CNOT4: variants seen among roughly 807,000 people sequenced by gnomAD.
CNOT4 encodes the protein CCR4-associated factor 4.
A neutral mutation model predicts 73.8 loss-of-function variants in CNOT4; 8 were observed. The observed-to-expected ratio is 0.11, with a 90% confidence interval of 0.06 to 0.20. The LOEUF is 0.20. Ranked by LOEUF, CNOT4 falls within the 10% of genes least tolerant of loss-of-function variation. The pLI is 1.00. For synonymous variants in CNOT4, 293 were observed against 321.1 expected (o/e 0.91, Z 0.94); for missense variants, 564 against 883.4 (o/e 0.64, Z 4.58).
chr7:135,430,653 A>G (rs947617787), intron 2 of CNOT4, among the ~76,000 whole-genome samples: 1 of 152,196 alleles, frequency 6.6e-6, no homozygotes, highest in Non-Finnish European at 1.5e-5. Flanking sequence ...GCTTTAAAAA[A>G]AACCAAAAAA....
rs76652614 is a variant in CNOT4 at position 135,491,723 on chromosome 7, G to C, written c.-93+18166C>G. On this transcript the variant is annotated intron_variant, in intron 1 of 11. Coordinates refer to ENST00000541284, the MANE Select transcript of CNOT4 (RefSeq NM_001190850.2). Reference sequence around the variant, plus strand: ...AGCAATTGAGGGAAGATATTTTTATGATGAAAAAAGTAACAGTATGCTTGT... The same window carrying C: ...AGCAATTGAGGGAAGATATTTTTATCATGAAAAAAGTAACAGTATGCTTGT... Among the ~76,000 whole-genome samples, 345 of 152,236 alleles carry C rather than the reference G, an allele frequency of 2.3e-3. 13 individuals carry two copies. The East Asian group carries it at 0.055, about 24-fold the overall frequency.
chr7:135,388,316 A>G (rs1178886771), intron 10 of CNOT4: 17 of 984,986 alleles, frequency 1.7e-5, no homozygotes, highest in Non-Finnish European at 1.8e-5. Context: ...GCATTAAATG[A>G]CACCACCAAT....
chr7:135,381,102 T>A (rs150503783), intron 10 of CNOT4, among the ~76,000 whole-genome samples: 1 of 151,970 alleles, frequency 6.6e-6, no homozygotes, highest in Non-Finnish European at 1.5e-5. Flanking sequence ...CAAAAAAAAA[T>A]TGGAGAAAGA....
At chr7:135,445,375 C>G (rs1224266653) in intron 1 of CNOT4, among the ~76,000 whole-genome samples, 1 of 152,122 alleles carries the variant, frequency 6.6e-6, no homozygotes, top group East Asian at 1.9e-4. Flanking sequence ...GATTAATTTT[C>G]GAAAACTTCC....
chr7:135,448,559 G>GGGAGGGAAGGAAGGAA (rs1554437787), intron 1 of CNOT4, among the ~76,000 whole-genome samples: 7 of 148,330 alleles, frequency 4.7e-5, no homozygotes, highest in African/African-American at 1.8e-4. Context: ...GAGGGAGGGA[G>GGGAGGGAAGGAAGGAA]GGAAGGAAGG....
At chr7:135,391,534 G>GA (rs201389394) in intron 10 of CNOT4, among the ~76,000 whole-genome samples, 255 of 148,744 alleles carry the variant, frequency 1.7e-3, no homozygotes, top group African/African-American at 4.6e-3. Context: ...TAGCATCTCT[G>GA]AAAAAAAAAG....
At chr7:135,401,173 A>C (rs951494156) in intron 7 of CNOT4, among the ~76,000 whole-genome samples, 57 of 152,224 alleles carry the variant, frequency 3.7e-4, no homozygotes, top group Admixed American at 3.0e-3. Flanking sequence ...TCACAACTCC[A>C]CTGGCATCAG....
At position 135,508,201 on chromosome 7, in the gene CNOT4, TG is replaced by T. The variant is rs553886372; in HGVS notation, c.-93+1687del. On this transcript the variant is annotated intron_variant, in intron 1 of 11. Coordinates refer to ENST00000541284, the MANE Select transcript of CNOT4 (RefSeq NM_001190850.2). ...ATGTAAGTCATGTTTAAACTTGGGA[TG>T]TATGTATTTGAACTATGTAATCTTG... Among the ~76,000 whole-genome samples the T allele has an allele frequency of 2.4e-3, 372 of 152,354 alleles. 1 individual carries two copies. The highest frequency in any genetic ancestry group is 8.7e-3 in the African/African-American group (360 of 41,590).
intron 10 of CNOT4, among the ~76,000 whole-genome samples, chr7:135,367,418 T>A (rs2129482444): frequency 6.6e-6 from 1 of 152,180 alleles, no homozygotes; most frequent in South Asian, 2.1e-4. Flanking sequence ...GTATAAGGCA[T>A]CTCCACAACT....
chr7:135,436,037 T>C (rs1192635958), intron 2 of CNOT4, among the ~76,000 whole-genome samples: 2 of 152,072 alleles, frequency 1.3e-5, no homozygotes, highest in African/African-American at 4.8e-5. Context: ...TTTAAGCAGT[T>C]TTCTCTTGAG....
intron 1 of CNOT4, among the ~76,000 whole-genome samples, chr7:135,483,281 T>G (rs1802506400): frequency 6.6e-6 from 1 of 151,374 alleles, no homozygotes; most frequent in Non-Finnish European, 1.5e-5. Flanking sequence ...AAGGCTACAG[T>G]GAGCCATAAT....
chr7:135,463,494 C>T (rs1478613448), intron 1 of CNOT4, among the ~76,000 whole-genome samples: 2 of 316 alleles, frequency 6.3e-3, no homozygotes, highest in Non-Finnish European at 0.012. Context: ...GCCGAGATCG[C>T]GCCATGCACT....
At position 135,438,316 on chromosome 7, in the gene CNOT4, C is replaced by G. The variant is rs1161552254; in HGVS notation, c.16G>C (p.Asp6His). ...CACTCCACAGGGTCTTCCTTCGCAT[C>G]AGGACTGCGAGACATCTTCACGTTT... is the stretch of plus-strand genomic sequence containing the variant. MSRSP[D>H]AKEDPVECPL... Residue 6 changes from aspartate to histidine, a missense_variant, in exon 2 of 12, where the codon GAT (aspartate) becomes CAT (histidine). Asp to His is a moderately conservative substitution (Grantham distance 81). Coordinates refer to ENST00000541284, the MANE Select transcript of CNOT4 (RefSeq NM_001190850.2). 1.2e-6 allele frequency: 2 copies of G among 1,608,940 alleles called. No homozygotes were observed. Among genetic ancestry groups the G allele is most frequent in the Non-Finnish European group, 1.7e-6 (2 of 1,177,966 alleles).
chr7:135,497,681 A>G (rs756529940), intron 1 of CNOT4, among the ~76,000 whole-genome samples: 2 of 152,188 alleles, frequency 1.3e-5, no homozygotes, highest in Non-Finnish European at 2.9e-5. Context: ...TTCCCCTCTT[A>G]TCAGCATCTA....
intron 1 of CNOT4, chr7:135,444,678 C>T: frequency 4.2e-6 from 5 of 1,179,336 alleles, no homozygotes; most frequent in South Asian, 2.4e-5. Context: ...CAGTGTTTTG[C>T]TCCTGGGTCT....
At chr7:135,387,379 G>C (rs1374655473) in intron 10 of CNOT4, 71 of 983,840 alleles carry the variant, frequency 7.2e-5, no homozygotes, top group Non-Finnish European at 8.4e-5. Context: ...TTGGGATAAA[G>C]TCATTTAATT....
chr7:135,442,751 G>C (rs898090193), intron 1 of CNOT4, among the ~76,000 whole-genome samples: 1 of 151,906 alleles, frequency 6.6e-6, no homozygotes, highest in Admixed American at 6.6e-5. Context: ...AATTAATTTG[G>C]CAGGGAAAAA....
intron 1 of CNOT4, among the ~76,000 whole-genome samples, chr7:135,498,242 A>G (rs1396943633): frequency 1.3e-5 from 2 of 152,236 alleles, no homozygotes; most frequent in South Asian, 2.1e-4. Context: ...ATTCGACTAT[A>G]AAAAGTTATG....
chr7:135,477,977 T>C (rs1802102252), intron 1 of CNOT4, among the ~76,000 whole-genome samples: 1 of 152,164 alleles, frequency 6.6e-6, no homozygotes, highest in Admixed American at 6.6e-5. Context: ...AATAGATATG[T>C]GCTTATTAAC....
Sources: gnomAD v4.1 joint callset for allele counts (sites outside exome capture counted in the v4.1 genomes callset) on GRCh38, gnomAD v4.1.1 for gene constraint, MANE v1.5 for transcripts, NCBI Gene and HGNC (gene_info 2026-07-23, HGNC 2026-07-21) for gene names.